Variants in KATNB1 observed in about 807,000 individuals in gnomAD.
The protein encoded by KATNB1 is katanin regulatory subunit B1, also known as katanin p80 WD40 repeat-containing subunit B1.
Under a neutral mutation model 82.3 loss-of-function variants are expected in KATNB1, and 38 were observed. The observed-to-expected ratio is 0.46, with a 90% CI of 0.36 to 0.61. The LOEUF is 0.61. KATNB1 is among the 20% of genes least tolerant of loss of function. The probability of loss-of-function intolerance (pLI) is 0.00; values close to 1 mark genes in which losing one functional copy is unlikely to be tolerated. For missense variants in KATNB1, 749 were observed against 915.7 expected (o/e 0.82, Z 2.35); for synonymous variants, 361 against 368.7 (o/e 0.98, Z 0.24).
chr16:57,751,023 C>A lies in KATNB1; in HGVS notation c.390+96C>A. On this transcript the variant is annotated intron_variant, in intron 5 of 19. Transcript: ENST00000379661. This position sits in a 1 kb window ranked among gnomAD's most constrained non-coding sequence, Gnocchi z 6.3. Reference sequence around the variant, plus strand: ...TGCTGGATGCCTGCTGAGGGGACCTCTTCCCTTTCTGCAGCCACATCCACA... The same window carrying A: ...TGCTGGATGCCTGCTGAGGGGACCTATTCCCTTTCTGCAGCCACATCCACA... The A allele has an allele frequency of 9.6e-7, 1 of 1,039,090 alleles. No homozygotes were observed. The allele number at this position is 1,039,090 out of a possible 1,614,324, so 64.4% of individuals were successfully genotyped here.
Position 57,753,163 on chromosome 16 carries a change from C to G in KATNB1, c.942C>G (p.Asp314Glu), listed in dbSNP as rs1555584149. 6.2e-7 allele frequency: 1 copy of G among 1,610,822 alleles called. No individual in the cohort carries two copies. The highest frequency in any genetic ancestry group is 8.5e-7 in the Non-Finnish European group (1 of 1,179,738). ...RVTRTGTVAR[D>E]PVQDHRPLAQ... Reference sequence around the variant, plus strand: ...CCAGGACTGGCACGGTGGCCCGGGACCCTGTGCAGGACCACCGGCCCCTGG... The same window carrying G: ...CCAGGACTGGCACGGTGGCCCGGGAGCCTGTGCAGGACCACCGGCCCCTGG... Residue 314 changes from aspartate to glutamate, a missense_variant, in exon 11 of 20, where the codon GAC becomes GAG. Asp to Glu is a conservative substitution (Grantham distance 45). This residue lies in a region of KATNB1 where 407 missense variants were observed against 434.7 expected (regional missense o/e 0.94). Coordinates refer to ENST00000379661, the MANE Select transcript of KATNB1 (RefSeq NM_005886.3).
chr16:57,740,995 G>A (rs930164372), intron 2 of KATNB1, among the ~76,000 whole-genome samples: 13 of 152,338 alleles, frequency 8.5e-5, no homozygotes, highest in South Asian at 4.1e-4. Context: ...CAGACACCAC[G>A]GGCATCCCCA....
Position 57,738,196 on chromosome 16 carries a change from C to T in KATNB1, c.40+913C>T, listed in dbSNP as rs543325605. Among the ~76,000 whole-genome samples the T allele has an allele frequency of 3.9e-5, 6 of 152,308 alleles. No individual in the cohort carries two copies. The South Asian group carries it at 8.3e-4, about 21-fold the overall frequency. The stretch of plus-strand genomic sequence containing the variant: ...GTTGGCATAGCTTTTGTGTGCTCCA[C>T]CTGGTCACTGTCTGCTGCCAGCTGT... On this transcript the variant is annotated intron_variant, in intron 2 of 19. Transcript: ENST00000379661.
intron 19 of KATNB1, 124 bp downstream of exon 19, chr16:57,756,596 G>C (rs2049287299): frequency 8.5e-7 from 1 of 1,180,202 alleles, no homozygotes; most frequent in Non-Finnish European, 1.2e-6. Flanking sequence ...GCGTTGGTCT[G>C]GGGCCATGGC....
chr16:57,742,174 C>T (rs539533442), intron 3 of KATNB1, among the ~76,000 whole-genome samples: 2 of 152,346 alleles, frequency 1.3e-5, no homozygotes, highest in South Asian at 2.1e-4. Flanking sequence ...CCCTCCCCTC[C>T]CACCTGCCCA....
Position 57,755,424 on chromosome 16 carries a change from G to C in KATNB1, c.1496G>C (p.Cys499Ser), listed in dbSNP as rs370579242. The change falls in exon 16 of 20, where the codon TGT (cysteine) becomes TCT (serine). Residue 499 changes from cysteine (C) to serine (S), a missense_variant. By Grantham distance (112) the Cys-to-Ser change is moderately radical (BLOSUM62 -1). Transcript: ENST00000379661. The part of the protein sequence containing the change: ...SQIRKGHDTM[C>S]VVLTSRHKNL... ...ATCCGCAAAGGCCACGACACCATGTGTGTGGTGCTCACCAGCCGCCACAAG... is the reference window on the plus strand; with the variant it reads ...ATCCGCAAAGGCCACGACACCATGTCTGTGGTGCTCACCAGCCGCCACAAG... 3.7e-6 allele frequency: 6 copies of C among 1,613,108 alleles called. No individual in the cohort carries two copies. The highest frequency in any genetic ancestry group is 5.1e-6 in the Non-Finnish European group (6 of 1,180,010).
intron 4 of KATNB1, among the ~76,000 whole-genome samples, chr16:57,747,456 G>A (rs1490764047): frequency 2.6e-5 from 4 of 152,208 alleles, no homozygotes; most frequent in Non-Finnish European, 4.4e-5. Context: ...TGTGTAGGTG[G>A]TACTCAATAA....
rs139571269 is a variant in KATNB1 at position 57,746,022 on chromosome 16, C to T, written c.289+1511C>T. ...TCTCCATCTGTTGTTCCTGGTCCCA[C>T]GCCGCAACCTTTCTTGGTTTTCTCC... On this transcript the variant is annotated intron_variant, in intron 4 of 19. Transcript: ENST00000379661. Among the ~76,000 whole-genome samples the T allele has an allele frequency of 4.1e-4, 63 of 152,274 alleles. No individual in the cohort carries two copies. The East Asian group carries it at 6.4e-3, about 15-fold the overall frequency.
chr16:57,748,620 C>T (rs1555582210), intron 4 of KATNB1, among the ~76,000 whole-genome samples: 2 of 152,088 alleles, frequency 1.3e-5, no homozygotes, highest in Non-Finnish European at 1.5e-5. Context: ...ACCCCGGAAG[C>T]CCCTCCACTC....
chr16:57,753,274 G>T lies in KATNB1; in HGVS notation c.1046+7G>T. On this transcript the variant is annotated splice_region_variant and intron_variant, in intron 11 of 19. Transcript: ENST00000379661. ...CCTGCAGCAAGCCTCAGAGGTGAGG[G>T]CCTGGGGGGCCTTCGGGGGCCCAGG... 1.3e-6 allele frequency: 2 copies of T among 1,590,234 alleles called. No homozygotes were observed. Among genetic ancestry groups the T allele is most frequent in the East Asian group, 2.3e-5 (1 of 44,170 alleles).
chr16:57,755,492 A>G lies in KATNB1; in HGVS notation c.1564A>G (p.Lys522Glu). The G allele has an allele frequency of 9.3e-6, 15 of 1,612,356 alleles. No individual in the cohort carries two copies. Among genetic ancestry groups the G allele is most frequent in the Non-Finnish European group, 1.2e-5 (14 of 1,179,370 alleles). ...GGCTGTGTGGACCATGGGCGACATCAAGGCAAGTGCCCACCCTTGCACAGG... is the reference window on the plus strand; with the variant it reads ...GGCTGTGTGGACCATGGGCGACATCGAGGCAAGTGCCCACCCTTGCACAGG... The part of the protein sequence containing the change: ...VRAVWTMGDI[K>E]TSVDSAVAIN... The change falls in exon 16 of 20, where the codon AAG becomes GAG. Residue 522 changes from lysine (K) to glutamate (E), a missense_variant and splice_region_variant. Transcript: ENST00000379661.
At chr16:57,754,097 C>T in intron 13 of KATNB1, 102 bp downstream of exon 13, 1 of 1,001,866 alleles carries the variant, frequency 1.0e-6, no homozygotes, top group South Asian at 1.4e-5. Context: ...CAGGACCCTC[C>T]CCTCTCAGGA....
chr16:57,745,945 C>G (rs1273520461), intron 4 of KATNB1, among the ~76,000 whole-genome samples: 1 of 152,168 alleles, frequency 6.6e-6, no homozygotes, highest in Non-Finnish European at 1.5e-5. Flanking sequence ...GTCCTAGTGA[C>G]CTGCAGCCCA....
At position 57,751,956 on chromosome 16, in the gene KATNB1, C is replaced by T; in HGVS notation, c.533C>T (p.Ala178Val). Residue 178 changes from alanine to valine, a missense_variant, in exon 8 of 20, where the codon GCC becomes GTC. By Grantham distance (64) the Ala-to-Val change is moderately conservative. Around this residue, in one of 3 missense-constraint regions of KATNB1, gnomAD observed 247 missense variants for 349.4 expected, o/e 0.71. Transcript: ENST00000379661. The surrounding 1 kb of genome is among the most constrained non-coding windows in gnomAD (Gnocchi z 6.3). ...DHTVKLWDLT[A>V]GKMMSEFPGH... ...TGCCTCCAGCTCTGGGATCTCACTG[C>T]CGGCAAGATGATGTCTGAGTTCCCT... 6.2e-7 allele frequency: 1 copy of T among 1,613,664 alleles called. No homozygotes were observed. Among genetic ancestry groups the T allele is most frequent in the East Asian group, 2.2e-5 (1 of 44,874 alleles).
chr16:57,752,431 C>T, intron 8 of KATNB1, 99 bp from the exon 9 acceptor site: 1 of 1,115,986 alleles, frequency 9.0e-7, no homozygotes, highest in Non-Finnish European at 1.3e-6. Flanking sequence ...GTGGCCCTGC[C>T]CTGGGGGAGA....
chr16:57,738,436 A>G lies in KATNB1; in HGVS notation c.40+1153A>G, dbSNP rs538407752. ...ACACCCGGCTAATTTTTGTATTTTT[A>G]GTAGAGACGGGGTTTCACCATGTTG... On this transcript the variant is annotated intron_variant, in intron 2 of 19. Coordinates refer to ENST00000379661, the MANE Select transcript of KATNB1 (RefSeq NM_005886.3). Among the ~76,000 whole-genome samples the G allele has an allele frequency of 4.6e-5, 7 of 151,980 alleles. No homozygotes were observed. In the East Asian group the frequency reaches 1.4e-3, roughly 29 times the overall value.
In KATNB1 at chr16:57,755,227, G is replaced by A. The variant is rs373598141; in HGVS notation, c.1405G>A (p.Asp469Asn). 9.9e-6 allele frequency: 16 copies of A among 1,610,998 alleles called. No individual in the cohort carries two copies. Among genetic ancestry groups the A allele is most frequent in the African/African-American group, 6.7e-5 (5 of 75,066 alleles). The change falls in exon 15 of 20, where the codon GAC (aspartate) becomes AAC (asparagine). Residue 469 changes from aspartate (D) to asparagine (N), a missense_variant. Coordinates refer to ENST00000379661, the MANE Select transcript of KATNB1 (RefSeq NM_005886.3). ...RNEPIGLKAS[D>N]FLPAVKIPQQ... ...CGAGCCCATCGGGCTGAAGGCCTCC[G>A]ACTTCCTGCCCGTGAGTAGGAGCCC...
intron 4 of KATNB1, among the ~76,000 whole-genome samples, chr16:57,748,863 G>T (rs2049203709): frequency 6.6e-6 from 1 of 152,226 alleles, no homozygotes; most frequent in Admixed American, 6.5e-5. Flanking sequence ...CTCTGGGCAG[G>T]GCAGGATTTT....
At chr16:57,755,565 G>A (rs554750284) in intron 16 of KATNB1, 71 bp downstream of exon 16, 10 of 1,566,574 alleles carry the variant, frequency 6.4e-6, no homozygotes, top group African/African-American at 1.4e-5. Context: ...CCGGGCTTGG[G>A]GCAGAACAAG....
Sources: gnomAD v4.1 joint callset for allele counts (sites outside exome capture counted in the v4.1 genomes callset) on GRCh38, gnomAD v4.1.1 for gene constraint, gnomAD v4.1.1 regional missense constraint, Gnocchi (gnomAD v3.1) non-coding constraint, MANE v1.5 for transcripts, NCBI Gene and HGNC (gene_info 2026-07-23, HGNC 2026-07-21) for gene names.